COPS4: variants seen among roughly 807,000 people sequenced by gnomAD.
The protein encoded by COPS4 is COP9 signalosome complex subunit 4.
In COPS4, 8 loss-of-function variants were observed where a neutral mutation model predicts 55.1. The ratio of observed to expected loss-of-function variants is 0.15; its 90% CI spans 0.09 to 0.26. COPS4 has a LOEUF of 0.26. COPS4 is among the 10% of genes least tolerant of loss of function. The pLI, the probability that COPS4 is intolerant of heterozygous loss-of-function variation, is 1.00. For missense variants in COPS4, 248 were observed against 484.0 expected (o/e 0.51, Z 4.58); for synonymous variants, 185 against 165.7 (o/e 1.12, Z -0.90).
chr4:83,057,858 C>G (rs1731054062), intron 6 of COPS4, among the ~76,000 whole-genome samples: 1 of 143,492 alleles, frequency 7.0e-6, no homozygotes, highest in African/African-American at 2.6e-5. Context: ...GGAGGTGGAG[C>G]TTGTAGTGAG....
chr4:83,062,970 T>C, intron 6 of COPS4, 106 bp from the exon 7 acceptor site: 4 of 901,468 alleles, frequency 4.4e-6, no homozygotes, highest in Non-Finnish European at 3.3e-6. Flanking sequence ...GAATACTGGC[T>C]GTATATTTAG....
At chr4:83,051,108 A>G (rs1730877424) in intron 4 of COPS4, among the ~76,000 whole-genome samples, 1 of 151,778 alleles carries the variant, frequency 6.6e-6, no homozygotes, top group South Asian at 2.1e-4. Context: ...CAAAAAAAAA[A>G]AAAAAAAATG....
intron 9 of COPS4, among the ~76,000 whole-genome samples, chr4:83,073,527 AG>A (rs1016111796): frequency 6.6e-6 from 1 of 152,146 alleles, no homozygotes; most frequent in Non-Finnish European, 1.5e-5. Flanking sequence ...AGAAAAAAAA[AG>A]GGGGATTGTC....
Position 83,074,697 on chromosome 4 carries a change from G to A in COPS4, c.1088-600G>A, listed in dbSNP as rs146465728. ...ATCTTTGTATTTTTAGTAGAGACAC[G>A]GTTTTGCCATGTTGGCCGGGCTGGT... On this transcript the variant is annotated intron_variant, in intron 9 of 9. Transcript: ENST00000264389. Among the ~76,000 whole-genome samples the A allele has an allele frequency of 7.4e-3, 1,114 of 150,852 alleles. 17 individuals carry two copies. Among genetic ancestry groups the A allele is most frequent in the African/African-American group, 0.026 (1,058 of 41,088 alleles).
chr4:83,036,258 ACCCCCCCCCC>A (rs33940074), intron 1 of COPS4, among the ~76,000 whole-genome samples: 3 of 146,266 alleles, frequency 2.1e-5, no homozygotes, highest in Admixed American at 2.0e-4. Flanking sequence ...ACATAGTGAG[ACCCCCCCCCC>A]CGCCGCCACC....
In COPS4 at chr4:83,074,859, A is replaced by G. The variant is rs572699413; in HGVS notation, c.1088-438A>G. On this transcript the variant is annotated intron_variant, in intron 9 of 9. Transcript: ENST00000264389. ...AAGTATTGGCTGGACGCGGTGGCTC[A>G]TGCCTGTAATCCCAGCACTTTGGCA... is the stretch of plus-strand genomic sequence containing the variant. Among the ~76,000 whole-genome samples, 669 of 151,982 alleles carry G rather than the reference A, an allele frequency of 4.4e-3. 7 individuals carry two copies. Among genetic ancestry groups the G allele is most frequent in the Non-Finnish European group, 7.1e-3 (481 of 67,960 alleles).
chr4:83,035,314 G>T lies in COPS4; in HGVS notation c.74+16G>T. On this transcript the variant is annotated intron_variant, in intron 1 of 9. Transcript: ENST00000264389. ...TGGCTGGCAAGTGAGTATTTCCCAGGAACGCGGGAGTACAGAGGTGGGGAA... is the reference window on the plus strand; with the variant it reads ...TGGCTGGCAAGTGAGTATTTCCCAGTAACGCGGGAGTACAGAGGTGGGGAA... The T allele has an allele frequency of 6.5e-7, 1 of 1,534,044 alleles. No homozygotes were observed. The highest frequency in any genetic ancestry group is 8.9e-7 in the Non-Finnish European group (1 of 1,129,084).
intron 8 of COPS4, 33 bp downstream of exon 8, chr4:83,066,586 AGTT>A: frequency 1.9e-6 from 2 of 1,030,696 alleles, no homozygotes; most frequent in African/African-American, 1.6e-5. Flanking sequence ...TTTAAAAAAA[AGTT>A]AAGAGATGAA....
At chr4:83,064,334 TA>T (rs35993344) in intron 7 of COPS4, among the ~76,000 whole-genome samples, 28,077 of 151,648 alleles carry the variant, frequency 0.19, 2,766 homozygotes, top group South Asian at 0.31. Context: ...AAGACCTTGT[TA>T]AAAAAAAATT....
At chr4:83,067,069 A>T (rs1731308370) in intron 8 of COPS4, among the ~76,000 whole-genome samples, 1 of 150,360 alleles carries the variant, frequency 6.7e-6, no homozygotes, top group Non-Finnish European at 1.5e-5. Flanking sequence ...TATTTATTTT[A>T]TTTTTTTTTG....
intron 6 of COPS4, among the ~76,000 whole-genome samples, chr4:83,059,519 T>C (rs545439874): frequency 6.6e-6 from 1 of 152,206 alleles, no homozygotes; most frequent in Admixed American, 6.5e-5. Context: ...ATTAATTTAT[T>C]TTAAAGTAGC....
chr4:83,036,006 G>A (rs1730406928), intron 1 of COPS4: 1 of 152,318 alleles, frequency 6.6e-6, no homozygotes, highest in Admixed American at 6.5e-5. Context: ...TGTTCTGCAA[G>A]CAGTTGTCAA....
intron 7 of COPS4, among the ~76,000 whole-genome samples, chr4:83,066,106 T>G (rs578054284): frequency 6.6e-6 from 1 of 152,252 alleles, no homozygotes; most frequent in Admixed American, 6.5e-5. Flanking sequence ...GAGCAGAGAT[T>G]GTGCCACTGC....
At chr4:83,071,403 T>C (rs1731427547) in intron 9 of COPS4, among the ~76,000 whole-genome samples, 1 of 152,202 alleles carries the variant, frequency 6.6e-6, no homozygotes, top group African/African-American at 2.4e-5. Context: ...AGTATCAATT[T>C]GCTGTAGCTT....
chr4:83,067,311 G>A (rs772849185), intron 8 of COPS4, among the ~76,000 whole-genome samples: 6 of 151,044 alleles, frequency 4.0e-5, no homozygotes, highest in Non-Finnish European at 7.4e-5. Flanking sequence ...CTGCAATCTC[G>A]GTTCACTGCA....
rs1191902449 is a variant in COPS4, at chr4:83,075,580, G to A, written c.*150G>A. 5 of 779,908 alleles carry A rather than the reference G, an allele frequency of 6.4e-6. No homozygotes were observed. In the East Asian group the frequency reaches 8.4e-5, roughly 13 times the overall value. 48.3% of individuals were successfully genotyped at this position (779,908 alleles called of 1,614,324 possible). A position where few individuals can be genotyped will look rare whatever the true frequency, so the allele number is the denominator to read the frequency against. ...AAAGAAGACATTATTAGAGCAGGAA[G>A]TACAAGCATTTAAAATATGTAGTTC... On this transcript the variant is annotated 3_prime_UTR_variant, in exon 10 of 10. Coordinates refer to ENST00000264389, the MANE Select transcript of COPS4 (RefSeq NM_016129.3).
chr4:83,036,031 G>C (rs1252818687), intron 1 of COPS4: 2 of 152,234 alleles, frequency 1.3e-5, no homozygotes, highest in African/African-American at 4.8e-5. Flanking sequence ...ATTAAGCATA[G>C]GTAGGTAGAC....
chr4:83,038,173 CTT>C (rs971837171), intron 1 of COPS4, among the ~76,000 whole-genome samples: 1 of 152,252 alleles, frequency 6.6e-6, no homozygotes, highest in Non-Finnish European at 1.5e-5. Context: ...CTGATTCTCT[CTT>C]TGTTGTCCCA....
intron 9 of COPS4, among the ~76,000 whole-genome samples, chr4:83,071,740 T>C (rs1403872109): frequency 6.7e-6 from 1 of 149,336 alleles, no homozygotes; most frequent in African/African-American, 2.5e-5. Context: ...GAGATGGGAG[T>C]CTTGCTCTGT....
Sources: gnomAD v4.1 joint callset for allele counts (sites outside exome capture counted in the v4.1 genomes callset) on GRCh38, gnomAD v4.1.1 for gene constraint, MANE v1.5 for transcripts, NCBI Gene and HGNC (gene_info 2026-07-23, HGNC 2026-07-21) for gene names.